The following MAP3K8 variants were observed in gnomAD, a reference collection of about 807,000 sequenced individuals.
The protein encoded by MAP3K8 is mitogen-activated protein kinase kinase kinase 8.
Under a neutral mutation model 45.8 loss-of-function variants are expected in MAP3K8, and 22 were observed. That is an observed-to-expected ratio of 0.48 (90% confidence interval 0.34 to 0.69). The LOEUF is 0.69. Among genes scored for constraint, MAP3K8 ranks in the 30% least tolerant of loss-of-function variants. The probability of loss-of-function intolerance (pLI) is 0.01; values close to 1 mark genes in which losing one functional copy is unlikely to be tolerated. For synonymous variants in MAP3K8, 223 were observed against 214.3 expected (o/e 1.04, Z -0.36); for missense variants, 419 against 585.0 (o/e 0.72, Z 2.93).
Position 30,461,123 on chromosome 10 carries a change from C to T in MAP3K8, c.*287C>T, listed in dbSNP as rs958708015. ...TCTGCTGACTGTTTCATTCACTGTG[C>T]ACTTTGCTCAAAATTTTAAAAATAC... On this transcript the variant is annotated 3_prime_UTR_variant, in exon 9 of 9. Coordinates refer to ENST00000263056, the MANE Select transcript of MAP3K8 (RefSeq NM_005204.4). 14 of 322,872 alleles carry T rather than the reference C, an allele frequency of 4.3e-5. No homozygotes were observed. Among genetic ancestry groups the T allele is most frequent in the African/African-American group, 2.5e-4 (12 of 47,374 alleles). The allele number at this position is 322,872 out of a possible 1,614,324, so 20.0% of individuals were successfully genotyped here.
chr10:30,438,416 G>A (rs1835981830), intron 2 of MAP3K8, among the ~76,000 whole-genome samples: 1 of 152,158 alleles, frequency 6.6e-6, no homozygotes, highest in Admixed American at 6.5e-5. Flanking sequence ...CAGGGCCTGA[G>A]TTTTATTTGC....
intron 6 of MAP3K8, 150 bp from the exon 7 acceptor site, chr10:30,457,934 C>T (rs1836794365): frequency 1.7e-6 from 1 of 584,882 alleles, no homozygotes; most frequent in Non-Finnish European, 2.7e-6. Flanking sequence ...TGCAGGGACA[C>T]CTCCAGCAAT....
chr10:30,443,387 C>T (rs948563499), intron 3 of MAP3K8, among the ~76,000 whole-genome samples: 7 of 152,304 alleles, frequency 4.6e-5, no homozygotes, highest in Middle Eastern at 3.4e-3. Flanking sequence ...TTGTTACACC[C>T]CTTCCTTATG....
intron 3 of MAP3K8, among the ~76,000 whole-genome samples, chr10:30,444,883 C>G (rs1028827346): frequency 1.3e-5 from 2 of 152,138 alleles, no homozygotes; most frequent in African/African-American, 4.8e-5. Flanking sequence ...GATCTGAGTT[C>G]AAATCCTAAT....
intron 6 of MAP3K8, among the ~76,000 whole-genome samples, chr10:30,452,063 G>T (rs1008642469): frequency 2.0e-5 from 3 of 152,128 alleles, no homozygotes; most frequent in African/African-American, 7.2e-5. Flanking sequence ...GCCAGGTGTG[G>T]TGGCTAATGC....
chr10:30,458,274 G>GGC lies in MAP3K8; in HGVS notation c.1026+39_1026+40insCG, dbSNP rs756169372. On this transcript the variant is annotated intron_variant, in intron 7 of 8. Coordinates refer to ENST00000263056, the MANE Select transcript of MAP3K8 (RefSeq NM_005204.4). ...CAACCAGGGCTGGGGGCGGCGGGGG[G>GGC]GGGCGTTGAGTTATGCATCCCGCAG... The GGC allele has an allele frequency of 5.3e-5, 72 of 1,364,394 alleles. 9 individuals are homozygous for GGC. The highest frequency in any genetic ancestry group is 6.8e-5 in the Non-Finnish European group (70 of 1,026,788). The allele number at this position is 1,364,394 out of a possible 1,614,324, so 84.5% of individuals were successfully genotyped here. A position where few individuals can be genotyped will look rare whatever the true frequency, so the allele number is the denominator to read the frequency against.
In MAP3K8 at chr10:30,461,079, A is replaced by T; in HGVS notation, c.*243A>T. The stretch of plus-strand genomic sequence containing the variant: ...CGTGATTCTAAGGCAGGAATTTGAG[A>T]GTTCACAGAAGGATCGTGTCTGCTG... On this transcript the variant is annotated 3_prime_UTR_variant, in exon 9 of 9. Transcript: ENST00000263056. 2.5e-6 allele frequency: 1 copy of T among 406,254 alleles called. No homozygotes were observed. The highest frequency in any genetic ancestry group is 5.4e-5 in the South Asian group (1 of 18,374). The allele number at this position is 406,254 out of a possible 1,614,324, so 25.2% of individuals were successfully genotyped here. A position where few individuals can be genotyped will look rare whatever the true frequency, so the allele number is the denominator to read the frequency against.
chr10:30,458,130 A>G lies in MAP3K8; in HGVS notation c.920A>G (p.Lys307Arg), dbSNP rs1836801849. 8.8e-6 allele frequency: 14 copies of G among 1,593,578 alleles called. No homozygotes were observed. Among genetic ancestry groups the G allele is most frequent in the Non-Finnish European group, 1.0e-5 (12 of 1,169,690 alleles). The change falls in exon 7 of 9, where the codon AAA becomes AGA. Residue 307 changes from lysine to arginine, a missense_variant. By Grantham distance (26) the Lys-to-Arg change is conservative. Transcript: ENST00000263056. The stretch of plus-strand genomic sequence containing the variant: ...ATCCTGTGCAGGGGCCATTCAACCA[A>G]AGCAGACATCTACAGCCTGGGGGCC... The part of the protein sequence containing the change: ...EVILCRGHST[K>R]ADIYSLGATL...
chr10:30,456,374 C>CG (rs773056640), intron 6 of MAP3K8, among the ~76,000 whole-genome samples: 12 of 152,144 alleles, frequency 7.9e-5, no homozygotes, highest in Non-Finnish European at 1.6e-4. Flanking sequence ...AGCTTGAGAA[C>CG]GGGAGCTCAG....
At chr10:30,435,769 C>T (rs1588760006) in intron 1 of MAP3K8, among the ~76,000 whole-genome samples, 2 of 152,184 alleles carry the variant, frequency 1.3e-5, no homozygotes, top group South Asian at 4.1e-4. Context: ...GTCTTGAACT[C>T]CTGACCTCAG....
intron 7 of MAP3K8, among the ~76,000 whole-genome samples, chr10:30,458,959 C>A (rs746089440): frequency 6.6e-6 from 1 of 152,128 alleles, no homozygotes; most frequent in Admixed American, 6.6e-5. Flanking sequence ...GCCCTGTGGT[C>A]CCAGTTGCAT....
chr10:30,450,240 T>C lies in MAP3K8; in HGVS notation c.505-18T>C, dbSNP rs376869134. On this transcript the variant is annotated intron_variant, in intron 4 of 8. Coordinates refer to ENST00000263056, the MANE Select transcript of MAP3K8 (RefSeq NM_005204.4). ...CTTTGGGGTTATTTAGAATCTCGCTTGTATTTTTGTGTTCTAGATCCCAGT... is the reference window on the plus strand; with the variant it reads ...CTTTGGGGTTATTTAGAATCTCGCTCGTATTTTTGTGTTCTAGATCCCAGT... The C allele has an allele frequency of 1.6e-5, 25 of 1,563,866 alleles. No homozygotes were observed. The African/African-American group carries it at 2.1e-4, about 13-fold the overall frequency.
At chr10:30,454,627 C>T (rs909232635) in intron 6 of MAP3K8, among the ~76,000 whole-genome samples, 1 of 151,656 alleles carries the variant, frequency 6.6e-6, no homozygotes, top group African/African-American at 2.4e-5. Flanking sequence ...AGCCAGCACT[C>T]TCCCGGGCAG....
intron 7 of MAP3K8, 70 bp downstream of exon 7, chr10:30,458,306 G>A: frequency 8.7e-7 from 1 of 1,145,608 alleles, no homozygotes; most frequent in South Asian, 2.1e-5. Flanking sequence ...GCAGGCTTGG[G>A]AGGGACTGCT....
chr10:30,444,503 G>T (rs1836243393), intron 3 of MAP3K8, among the ~76,000 whole-genome samples: 1 of 152,040 alleles, frequency 6.6e-6, no homozygotes, highest in Non-Finnish European at 1.5e-5. Flanking sequence ...AAATACAGGG[G>T]ATCTGGGGCT....
intron 6 of MAP3K8, among the ~76,000 whole-genome samples, chr10:30,457,079 ATCTCG>A (rs987280558): frequency 6.6e-6 from 1 of 151,534 alleles, no homozygotes; most frequent in African/African-American, 2.4e-5. Context: ...GGGAGACCCC[ATCTCG>A]AAAAAAAAAA....
At chr10:30,442,701 C>G (rs1588770503) in intron 3 of MAP3K8, among the ~76,000 whole-genome samples, 1 of 152,152 alleles carries the variant, frequency 6.6e-6, no homozygotes, top group African/African-American at 2.4e-5. Flanking sequence ...AACAAATAAT[C>G]TAAAATGAGT....
At chr10:30,436,830 T>C (rs577452227) in intron 1 of MAP3K8, among the ~76,000 whole-genome samples, 2 of 150,392 alleles carry the variant, frequency 1.3e-5, no homozygotes, top group Admixed American at 6.7e-5. Context: ...TGTCAAATCA[T>C]CTGTTTGATA....
intron 7 of MAP3K8, 86 bp from the exon 8 acceptor site, chr10:30,459,169 C>T: frequency 6.8e-7 from 1 of 1,471,434 alleles, no homozygotes; most frequent in Middle Eastern, 2.1e-4. Flanking sequence ...AAACGGATTA[C>T]TTTCTAGGTC....
Sources: allele counts gnomAD v4.1 joint callset (sites outside exome capture counted in the v4.1 genomes callset), GRCh38; gene constraint gnomAD v4.1.1; transcripts MANE v1.5; gene names NCBI Gene and HGNC (gene_info 2026-07-23, HGNC 2026-07-21).